Variants in IQCM observed in about 807,000 individuals in gnomAD.
IQCM encodes the protein IQ motif containing M, also known as IQ domain-containing protein M.
Under a neutral mutation model 57.6 loss-of-function variants are expected in IQCM, and 45 were observed. That is an observed-to-expected ratio of 0.78 (90% CI 0.62 to 1.00). The LOEUF is 1.00. Among genes scored for constraint, IQCM ranks in the 50% least tolerant of loss-of-function variants. The probability of loss-of-function intolerance (pLI) is 0.00; values close to 1 mark genes in which losing one functional copy is unlikely to be tolerated. For missense variants in IQCM, 468 were observed against 511.6 expected, an observed-to-expected ratio of 0.91 and a Z score of 0.82; for synonymous variants, 148 against 158.9, an observed-to-expected ratio of 0.93 and a Z score of 0.51.
intron 7 of IQCM, among the ~76,000 whole-genome samples, chr4:149,640,027 A>G (rs1758054284): frequency 6.6e-6 from 1 of 152,254 alleles, no homozygotes; most frequent in Non-Finnish European, 1.5e-5. Context: ...TCACTAGCAC[A>G]TGCAATAAGT....
intron 7 of IQCM, among the ~76,000 whole-genome samples, chr4:149,653,703 G>A (rs1759395639): frequency 6.6e-6 from 1 of 152,022 alleles, no homozygotes. Context: ...TACCAAAATG[G>A]TCATACATCG....
chr4:149,766,771 G>C (rs1256545146), intron 2 of IQCM, among the ~76,000 whole-genome samples: 1 of 152,096 alleles, frequency 6.6e-6, no homozygotes, highest in African/African-American at 2.4e-5. Flanking sequence ...ATAAATCTTA[G>C]TATAGAAAAG....
At chr4:149,630,757 A>G (rs1757197581) in intron 7 of IQCM, among the ~76,000 whole-genome samples, 1 of 152,192 alleles carries the variant, frequency 6.6e-6, no homozygotes, top group Non-Finnish European at 1.5e-5. Context: ...TTGTAATACC[A>G]ATTTCTAAGA....
At chr4:149,430,663 T>C (rs139220827) in intron 13 of IQCM, among the ~76,000 whole-genome samples, 1 of 152,080 alleles carries the variant, frequency 6.6e-6, no homozygotes, top group African/African-American at 2.4e-5. Context: ...CTTGTCGTTA[T>C]ATGTATCAAA....
chr4:149,367,479 A>G (rs550491587), intron 13 of IQCM, among the ~76,000 whole-genome samples: 1 of 152,110 alleles, frequency 6.6e-6, no homozygotes, highest in Admixed American at 6.5e-5. Flanking sequence ...ATCTCTTGAA[A>G]TCTATCCAAG....
At chr4:149,687,643 A>T (rs1330131406) in intron 5 of IQCM, among the ~76,000 whole-genome samples, 1 of 151,728 alleles carries the variant, frequency 6.6e-6, no homozygotes, top group Non-Finnish European at 1.5e-5. Context: ...AAAGGACATA[A>T]CTAAAAAGAA....
chr4:149,539,479 A>G (rs1289013045), intron 12 of IQCM, among the ~76,000 whole-genome samples: 1 of 152,156 alleles, frequency 6.6e-6, no homozygotes, highest in African/African-American at 2.4e-5. Flanking sequence ...ATGGTTGTAC[A>G]CCAATGCACA....
chr4:149,575,204 A>T (rs1751517946), intron 9 of IQCM, among the ~76,000 whole-genome samples: 1 of 151,924 alleles, frequency 6.6e-6, no homozygotes, highest in South Asian at 2.1e-4. Flanking sequence ...TTGGGTAATG[A>T]GTGGAACAAG....
chr4:149,527,840 G>C (rs1746312553), intron 12 of IQCM, among the ~76,000 whole-genome samples: 1 of 152,110 alleles, frequency 6.6e-6, no homozygotes, highest in Admixed American at 6.6e-5. Flanking sequence ...GTGATTTTCT[G>C]AGACAATGTT....
At chr4:149,620,863 A>T (rs1756271621) in intron 8 of IQCM, among the ~76,000 whole-genome samples, 1 of 152,198 alleles carries the variant, frequency 6.6e-6, no homozygotes, top group African/African-American at 2.4e-5. Context: ...ACACATTTGG[A>T]GCAAACCATG....
intron 2 of IQCM, among the ~76,000 whole-genome samples, chr4:149,814,644 A>G (rs750368401): frequency 3.4e-4 from 52 of 152,014 alleles, no homozygotes; most frequent in Non-Finnish European, 6.5e-4. Context: ...TTCTAAAACC[A>G]CTATTCACCT....
chr4:149,558,834 T>C (rs1749841550), intron 10 of IQCM, among the ~76,000 whole-genome samples: 1 of 152,210 alleles, frequency 6.6e-6, no homozygotes, highest in Non-Finnish European at 1.5e-5. Context: ...TCTTTCTATA[T>C]GGCCCAATTC....
rs185902094 is a variant in IQCM, at chr4:149,563,705, C to T, written c.935G>A (p.Arg312Lys). Residue 312 changes from arginine (R) to lysine (K), a missense_variant, in exon 10 of 14, where the codon AGA becomes AAA. By Grantham distance (26) the Arg-to-Lys change is conservative. Coordinates refer to ENST00000636793, the MANE Select transcript of IQCM (RefSeq NM_001363507.2). ...TGGATATCTTACCTTGGTCATTACT[C>T]TTTGCAATCTTTTCCGTTCAAGCCA... ...RGWLERKRLQRVMTKALDHGP... is the reference protein window; with the variant it reads ...RGWLERKRLQKVMTKALDHGP... 8.1e-5 allele frequency: 100 copies of T among 1,231,790 alleles called. No homozygotes were observed. Among genetic ancestry groups the T allele is most frequent in the Non-Finnish European group, 9.9e-5 (98 of 987,844 alleles). 76.3% of individuals were successfully genotyped at this position (1,231,790 alleles called of 1,614,324 possible). A position where few individuals can be genotyped will look rare whatever the true frequency, so the allele number is the denominator to read the frequency against.
chr4:149,806,892 C>CA (rs1345005923), intron 2 of IQCM, among the ~76,000 whole-genome samples: 1 of 150,954 alleles, frequency 6.6e-6, no homozygotes, highest in Non-Finnish European at 1.5e-5. Flanking sequence ...ATCGATCTTA[C>CA]AAAAAAATCA....
chr4:149,469,179 G>C (rs1267152092), intron 12 of IQCM, among the ~76,000 whole-genome samples: 1 of 152,176 alleles, frequency 6.6e-6, no homozygotes, highest in Non-Finnish European at 1.5e-5. Context: ...ACTTCTCTGA[G>C]CTAAAGGAGG....
At chr4:149,595,146 G>A (rs1753642398) in intron 8 of IQCM, among the ~76,000 whole-genome samples, 1 of 152,042 alleles carries the variant, frequency 6.6e-6, no homozygotes, top group Admixed American at 6.6e-5. Context: ...CTCTTGTATT[G>A]GATGCATATA....
chr4:149,780,991 G>C (rs1561268053), intron 2 of IQCM, among the ~76,000 whole-genome samples: 3 of 152,146 alleles, frequency 2.0e-5, no homozygotes, highest in Non-Finnish European at 4.4e-5. Flanking sequence ...GTAATGATGA[G>C]AGAAGTCCAG....
chr4:149,652,060 A>G (rs1249726405), intron 7 of IQCM, among the ~76,000 whole-genome samples: 1 of 152,216 alleles, frequency 6.6e-6, no homozygotes, highest in Non-Finnish European at 1.5e-5. Context: ...CCAAATGTCC[A>G]TCAATAATAG....
intron 12 of IQCM, among the ~76,000 whole-genome samples, chr4:149,542,335 G>A (rs1747931255): frequency 6.6e-6 from 1 of 151,938 alleles, no homozygotes; most frequent in African/African-American, 2.4e-5. Flanking sequence ...CATATTGCAA[G>A]GCATTAAGCT....
Sources: allele counts gnomAD v4.1 joint callset (sites outside exome capture counted in the v4.1 genomes callset), GRCh38; gene constraint gnomAD v4.1.1; transcripts MANE v1.5; gene names NCBI Gene and HGNC (gene_info 2026-07-23, HGNC 2026-07-21).